The following ERBB4 variants were observed in gnomAD, a reference collection of about 807,000 sequenced individuals.
ERBB4 encodes the protein receptor tyrosine-protein kinase erbB-4.
Under a neutral mutation model 158.0 loss-of-function variants are expected in ERBB4, and 42 were observed. The observed-to-expected ratio is 0.27, with a 90% confidence interval of 0.21 to 0.34. ERBB4 has a LOEUF of 0.34. Among genes scored for constraint, ERBB4 ranks in the 10% least tolerant of loss-of-function variants. The pLI, the probability that ERBB4 is intolerant of heterozygous loss-of-function variation, is 1.00. For synonymous variants in ERBB4, 583 were observed against 558.7 expected, an observed-to-expected ratio of 1.04 and a Z score of -0.61; for missense variants, 1,333 against 1,624.1, an observed-to-expected ratio of 0.82 and a Z score of 3.08.
Position 212,067,266 on chromosome 2 carries a change from C to T in ERBB4, c.234+57486G>A, listed in dbSNP as rs78577477. On this transcript the variant is annotated intron_variant, in intron 2 of 27. Coordinates refer to ENST00000342788, the MANE Select transcript of ERBB4 (RefSeq NM_005235.3). ...AAAGCAAATTTAAACAGAGCCTATA[C>T]GTGTATTTGTGCTGCACTTATGTAA... Among the ~76,000 whole-genome samples, 22 of 151,974 alleles carry T rather than the reference C, an allele frequency of 1.4e-4. 1 individual carries two copies. The East Asian group carries it at 4.3e-3, about 29-fold the overall frequency.
At chr2:211,971,158 T>C (rs2081441508) in intron 2 of ERBB4, among the ~76,000 whole-genome samples, 1 of 152,196 alleles carries the variant, frequency 6.6e-6, no homozygotes, top group Admixed American at 6.5e-5. Context: ...ATATATGAAA[T>C]TCTGGGTTAT....
At chr2:211,588,592 A>T (rs1018029656) in intron 19 of ERBB4, among the ~76,000 whole-genome samples, 3 of 152,166 alleles carry the variant, frequency 2.0e-5, no homozygotes, top group Non-Finnish European at 4.4e-5. Context: ...ACAGCCTTAT[A>T]AAATAAGTGC....
At chr2:211,674,205 T>C (rs1210495835) in intron 13 of ERBB4, among the ~76,000 whole-genome samples, 1 of 152,114 alleles carries the variant, frequency 6.6e-6, no homozygotes, top group Non-Finnish European at 1.5e-5. Flanking sequence ...AATTTGACGA[T>C]GTTTAGCTAT....
At chr2:212,492,920 T>C (rs994864923) in intron 1 of ERBB4, among the ~76,000 whole-genome samples, 1 of 151,520 alleles carries the variant, frequency 6.6e-6, no homozygotes, top group African/African-American at 2.4e-5. Flanking sequence ...ACAGTAGTCA[T>C]TTATTAAATA....
chr2:211,976,116 C>G (rs1262540280), intron 2 of ERBB4, among the ~76,000 whole-genome samples: 3 of 152,038 alleles, frequency 2.0e-5, no homozygotes, highest in Non-Finnish European at 4.4e-5. Flanking sequence ...AAAGTTAACT[C>G]ATGGGAGGTT....
chr2:212,031,346 T>C (rs1402139887), intron 2 of ERBB4, among the ~76,000 whole-genome samples: 1 of 152,198 alleles, frequency 6.6e-6, no homozygotes, highest in East Asian at 1.9e-4. Flanking sequence ...CCTGTCATTC[T>C]ATCATAGTTA....
intron 1 of ERBB4, among the ~76,000 whole-genome samples, chr2:212,205,825 A>G (rs2082729432): frequency 6.6e-6 from 1 of 152,212 alleles, no homozygotes; most frequent in East Asian, 1.9e-4. Flanking sequence ...TAAAAGCAAA[A>G]TATGTGGTTA....
At chr2:211,643,839 G>A (rs1166407599) in intron 16 of ERBB4, among the ~76,000 whole-genome samples, 3 of 152,004 alleles carry the variant, frequency 2.0e-5, no homozygotes, top group Non-Finnish European at 4.4e-5. Context: ...TGCTGTCTCT[G>A]AATTGTGGAA....
chr2:212,233,679 T>C (rs1170675924), intron 1 of ERBB4, among the ~76,000 whole-genome samples: 2 of 152,120 alleles, frequency 1.3e-5, no homozygotes, highest in Admixed American at 1.3e-4. Context: ...CATAAGAGAA[T>C]CTCATTGAGA....
intron 1 of ERBB4, among the ~76,000 whole-genome samples, chr2:212,261,443 A>G (rs2084941246): frequency 6.6e-6 from 1 of 152,210 alleles, no homozygotes; most frequent in Admixed American, 6.5e-5. Context: ...CCTGAAAAAA[A>G]GAAATTACAA....
chr2:211,993,963 T>C (rs190934471), intron 2 of ERBB4, among the ~76,000 whole-genome samples: 1 of 149,900 alleles, frequency 6.7e-6, no homozygotes, highest in Admixed American at 6.6e-5. Context: ...TTTATAATTA[T>C]TAGTGTCTTT....
intron 1 of ERBB4, among the ~76,000 whole-genome samples, chr2:212,344,014 G>A (rs2088849996): frequency 6.6e-6 from 1 of 151,894 alleles, no homozygotes; most frequent in Non-Finnish European, 1.5e-5. Context: ...CTGTCTTCCA[G>A]AGAATAAAGA....
chr2:212,478,698 A>G (rs1189019940), intron 1 of ERBB4, among the ~76,000 whole-genome samples: 3 of 151,892 alleles, frequency 2.0e-5, no homozygotes, highest in Non-Finnish European at 4.4e-5. Flanking sequence ...CTATCTTTGA[A>G]TTTTCCAGAG....
At chr2:211,794,314 A>G (rs1436890898) in intron 3 of ERBB4, among the ~76,000 whole-genome samples, 1 of 151,810 alleles carries the variant, frequency 6.6e-6, no homozygotes, top group Admixed American at 6.6e-5. Context: ...AACTCCTGTA[A>G]CACTGATTAC....
At chr2:212,299,083 T>A (rs2086525592) in intron 1 of ERBB4, among the ~76,000 whole-genome samples, 1 of 151,752 alleles carries the variant, frequency 6.6e-6, no homozygotes, top group African/African-American at 2.4e-5. Context: ...ACCCTCATTA[T>A]AATTTGTGAG....
intron 2 of ERBB4, among the ~76,000 whole-genome samples, chr2:212,033,837 T>C (rs2076955782): frequency 1.3e-5 from 2 of 151,934 alleles, no homozygotes; most frequent in Admixed American, 6.6e-5. Flanking sequence ...AGTTTACTCA[T>C]GTGTAAAATA....
intron 1 of ERBB4, among the ~76,000 whole-genome samples, chr2:212,487,443 G>C (rs981380832): frequency 5.3e-5 from 8 of 151,984 alleles, no homozygotes; most frequent in Non-Finnish European, 1.0e-4. Context: ...AACTTAAAAT[G>C]GGGAGGTGCG....
At chr2:211,881,424 C>A (rs150034198) in intron 3 of ERBB4, among the ~76,000 whole-genome samples, 2 of 152,068 alleles carry the variant, frequency 1.3e-5, no homozygotes, top group South Asian at 2.1e-4. Flanking sequence ...GAAGCTTGCA[C>A]GGGGGAATGC....
chr2:212,145,814 A>C (rs1321518599), intron 1 of ERBB4, among the ~76,000 whole-genome samples: 1 of 150,626 alleles, frequency 6.6e-6, no homozygotes, highest in East Asian at 1.9e-4. Context: ...TCTCTTTGTC[A>C]ATCTGTTTGA....
Sources: gnomAD v4.1 joint callset for allele counts (sites outside exome capture counted in the v4.1 genomes callset) on GRCh38, gnomAD v4.1.1 for gene constraint, MANE v1.5 for transcripts, NCBI Gene and HGNC (gene_info 2026-07-23, HGNC 2026-07-21) for gene names.